The following CADPS variants were observed in gnomAD, a reference collection of about 807,000 sequenced individuals.
CADPS encodes calcium-dependent secretion activator 1.
Under a neutral mutation model 167.3 loss-of-function variants are expected in CADPS, and 57 were observed. That is an observed-to-expected ratio of 0.34 (90% CI 0.28 to 0.42). CADPS has a LOEUF of 0.42. Ranked by LOEUF, CADPS falls within the 20% of genes least tolerant of loss-of-function variation. The pLI, the probability that CADPS is intolerant of heterozygous loss-of-function variation, is 1.00. For synonymous variants in CADPS, 676 were observed against 635.3 expected, an observed-to-expected ratio of 1.06 and a Z score of -0.96; for missense variants, 1,414 against 1,738.1, an observed-to-expected ratio of 0.81 and a Z score of 3.32.
chr3:62,630,804 T>C (rs2065132150), intron 6 of CADPS, among the ~76,000 whole-genome samples: 4 of 152,206 alleles, frequency 2.6e-5, no homozygotes. Context: ...ACTTGGAGTT[T>C]TGTGTGATTT....
At chr3:62,853,493 C>T (rs2079025111) in intron 1 of CADPS, among the ~76,000 whole-genome samples, 1 of 151,834 alleles carries the variant, frequency 6.6e-6, no homozygotes, top group South Asian at 2.1e-4. Context: ...GGCATGGTGG[C>T]AGGTGCCTGT....
At chr3:62,767,545 AG>A (rs2087241018) in intron 1 of CADPS, among the ~76,000 whole-genome samples, 1 of 152,216 alleles carries the variant, frequency 6.6e-6, no homozygotes, top group Non-Finnish European at 1.5e-5. Flanking sequence ...TTAAAGCTTT[AG>A]GAGACACAAA....
At chr3:62,612,124 C>G (rs1296835654) in intron 6 of CADPS, among the ~76,000 whole-genome samples, 1 of 152,184 alleles carries the variant, frequency 6.6e-6, no homozygotes, top group Non-Finnish European at 1.5e-5. Context: ...GAATGACTTT[C>G]ATTCATTATG....
chr3:62,745,666 C>T (rs140309131), intron 3 of CADPS, among the ~76,000 whole-genome samples: 1 of 152,312 alleles, frequency 6.6e-6, no homozygotes, highest in African/African-American at 2.4e-5. Context: ...AGGCTGAATA[C>T]TGAAGACCTG....
chr3:62,483,371 T>TG (rs71629162), intron 21 of CADPS, among the ~76,000 whole-genome samples: 5 of 6,210 alleles, frequency 8.1e-4, no homozygotes, highest in Admixed American at 2.2e-3. Context: ...AGTTAGGGGG[T>TG]GGGGGGGTGG....
At chr3:62,676,959 T>A (rs1048806974) in intron 3 of CADPS, among the ~76,000 whole-genome samples, 4 of 152,124 alleles carry the variant, frequency 2.6e-5, no homozygotes, top group Admixed American at 6.6e-5. Context: ...AAGTCAGACA[T>A]GCACCCTAAG....
In CADPS at chr3:62,438,104, A is replaced by T; in HGVS notation, c.3777T>A (p.Asp1259Glu). 6.2e-7 allele frequency: 1 copy of T among 1,606,696 alleles called. No individual in the cohort carries two copies. Among genetic ancestry groups the T allele is most frequent in the Non-Finnish European group, 8.5e-7 (1 of 1,173,794 alleles). The change falls in exon 28 of 30, where the codon GAT becomes GAA. Residue 1259 changes from aspartate (D) to glutamate (E), a missense_variant and splice_region_variant. Coordinates refer to ENST00000383710, the MANE Select transcript of CADPS (RefSeq NM_003716.4). This position sits in a 1 kb window ranked among gnomAD's most constrained non-coding sequence, Gnocchi z 4.7. ...CAAGGAGGAGAAGGCATTTACTTAC[A>T]TCAAATAACCTTTCTATGTACATCT... ...NEEMYIERLF[D>E]QWYNSSMNVI... is the part of the protein sequence containing the mutation.
intron 1 of CADPS, among the ~76,000 whole-genome samples, chr3:62,844,690 A>G (rs2077130540): frequency 6.6e-6 from 1 of 152,246 alleles, no homozygotes; most frequent in Admixed American, 6.5e-5. Context: ...ATCTCAGTGC[A>G]GTAGGTTATT....
intron 10 of CADPS, among the ~76,000 whole-genome samples, chr3:62,553,927 A>G (rs186017745): frequency 6.6e-6 from 1 of 152,336 alleles, no homozygotes; most frequent in African/African-American, 2.4e-5. Flanking sequence ...GCACAGTCCC[A>G]CAATTCAAAG....
At chr3:62,498,298 G>C in intron 18 of CADPS, 1 of 373,210 alleles carries the variant, frequency 2.7e-6, no homozygotes, top group South Asian at 2.0e-5. Context: ...TTTAGTCATG[G>C]AATGACCATT....
chr3:62,420,127 G>A lies in CADPS; in HGVS notation c.3778-16942C>T, dbSNP rs1434472686. On this transcript the variant is annotated intron_variant, in intron 28 of 29. Coordinates refer to ENST00000383710, the MANE Select transcript of CADPS (RefSeq NM_003716.4). This position sits in a 1 kb window ranked among gnomAD's most constrained non-coding sequence, Gnocchi z 4.1. ...AAAAAATTCAGGTGAATAGGTAAATGGAATGCTTTACATTAAACCACACAG... is the reference window on the plus strand; with the variant it reads ...AAAAAATTCAGGTGAATAGGTAAATAGAATGCTTTACATTAAACCACACAG... Among the ~76,000 whole-genome samples the A allele has an allele frequency of 6.6e-6, 1 of 152,096 alleles. No individual in the cohort carries two copies. Among genetic ancestry groups the A allele is most frequent in the East Asian group, 1.9e-4 (1 of 5,190 alleles).
Position 62,601,237 on chromosome 3 carries a change from T to G in CADPS, c.1326-8489A>C. ...CATGAATATTATATGAAATTCAAATTTTGATGCCCATCAATAACGTTTTAT... is the reference window on the plus strand; with the variant it reads ...CATGAATATTATATGAAATTCAAATGTTGATGCCCATCAATAACGTTTTAT... On this transcript the variant is annotated intron_variant, in intron 6 of 29. Transcript: ENST00000383710. The surrounding 1 kb of genome is among the most constrained non-coding windows in gnomAD (Gnocchi z 4.3). Among the ~76,000 whole-genome samples, 1 of 152,204 alleles carries G rather than the reference T, an allele frequency of 6.6e-6. No homozygotes were observed. The highest frequency in any genetic ancestry group is 1.9e-4 in the East Asian group (1 of 5,192).
chr3:62,846,599 G>C (rs936979450), intron 1 of CADPS, among the ~76,000 whole-genome samples: 7 of 152,068 alleles, frequency 4.6e-5, no homozygotes, highest in Non-Finnish European at 7.4e-5. Context: ...AAATATGTTG[G>C]TTTTCTGTCA....
At chr3:62,493,554 T>A in intron 19 of CADPS, 91 bp downstream of exon 19, 1 of 954,714 alleles carries the variant, frequency 1.0e-6, no homozygotes, top group Non-Finnish European at 1.6e-6. Flanking sequence ...TCTTCTGTGA[T>A]CTATTAGTTA....
chr3:62,780,297 G>A (rs938604113), intron 1 of CADPS, among the ~76,000 whole-genome samples: 2 of 152,128 alleles, frequency 1.3e-5, no homozygotes, highest in Admixed American at 1.3e-4. Flanking sequence ...GCATGACTGT[G>A]GTCCCAGCTA....
intron 26 of CADPS, among the ~76,000 whole-genome samples, chr3:62,456,287 C>G (rs890887362): frequency 2.6e-5 from 4 of 152,108 alleles, no homozygotes; most frequent in African/African-American, 9.7e-5. Flanking sequence ...CTTAAACTAG[C>G]TCACTTTAAA....
chr3:62,434,957 T>G (rs2054685793), intron 28 of CADPS, among the ~76,000 whole-genome samples: 1 of 152,082 alleles, frequency 6.6e-6, no homozygotes, highest in Admixed American at 6.6e-5. Context: ...AACATGCCTC[T>G]GAATGACAGA....
At position 62,421,154 on chromosome 3, in the gene CADPS, A is replaced by C. The variant is rs1009196769; in HGVS notation, c.3777+16950T>G. On this transcript the variant is annotated intron_variant, in intron 28 of 29. Transcript: ENST00000383710. This position sits in a 1 kb window ranked among gnomAD's most constrained non-coding sequence, Gnocchi z 4.7. The stretch of plus-strand genomic sequence containing the variant: ...CTGAGCACAGAGAGTTAAATCATAA[A>C]TTAGCCATGAGTTAATACGTGAGGC... Among the ~76,000 whole-genome samples the C allele has an allele frequency of 1.3e-5, 2 of 152,052 alleles. No individual in the cohort carries two copies. The highest frequency in any genetic ancestry group is 4.8e-5 in the African/African-American group (2 of 41,398).
rs1270424540 is a variant in CADPS at position 62,438,543 on chromosome 3, G to C, written c.3670-332C>G. ...CATAGATGTTCTCTGACTTTGCCTT[G>C]GATTGAAACCTGCATTAAAGAATAT... On this transcript the variant is annotated intron_variant, in intron 27 of 29. Coordinates refer to ENST00000383710, the MANE Select transcript of CADPS (RefSeq NM_003716.4). This position sits in a 1 kb window ranked among gnomAD's most constrained non-coding sequence, Gnocchi z 4.7. The C allele has an allele frequency of 4.5e-6, 1 of 223,254 alleles. No individual in the cohort carries two copies. The highest frequency in any genetic ancestry group is 2.3e-5 in the African/African-American group (1 of 43,240). The allele number at this position is 223,254 out of a possible 1,614,324, so 13.8% of individuals were successfully genotyped here.
Sources: gnomAD v4.1 joint callset for allele counts (sites outside exome capture counted in the v4.1 genomes callset) on GRCh38, gnomAD v4.1.1 for gene constraint, Gnocchi (gnomAD v3.1) non-coding constraint, MANE v1.5 for transcripts, NCBI Gene and HGNC (gene_info 2026-07-23, HGNC 2026-07-21) for gene names.